Variants in LRRC4C observed in about 807,000 individuals in gnomAD.
LRRC4C encodes leucine-rich repeat-containing protein 4C.
A neutral mutation model predicts 33.6 loss-of-function variants in LRRC4C; 5 were observed. That is an observed-to-expected ratio of 0.15 (90% CI 0.08 to 0.31). LRRC4C has a LOEUF of 0.31. LRRC4C is among the 10% of genes least tolerant of loss of function. The pLI is 1.00. For missense variants in LRRC4C, 560 were observed against 796.7 expected, an observed-to-expected ratio of 0.70 and a Z score of 3.58; for synonymous variants, 329 against 302.0, an observed-to-expected ratio of 1.09 and a Z score of -0.93.
chr11:40,536,283 T>C (rs1472882041), intron 3 of LRRC4C, among the ~76,000 whole-genome samples: 1 of 152,064 alleles, frequency 6.6e-6, no homozygotes, highest in East Asian at 1.9e-4. Context: ...AACCTCCGCC[T>C]CCTGGGTTCA....
intron 2 of LRRC4C, among the ~76,000 whole-genome samples, chr11:40,825,943 G>T (rs527334954): frequency 1.2e-4 from 7 of 59,842 alleles, no homozygotes; most frequent in South Asian, 8.0e-4. Flanking sequence ...TGTATTCTGG[G>T]GGGGGGGCGT....
intron 4 of LRRC4C, among the ~76,000 whole-genome samples, chr11:40,302,889 T>A (rs2136677958): frequency 6.6e-6 from 1 of 152,320 alleles, no homozygotes. Context: ...TCAGTCTGAA[T>A]CTGACATTCA....
intron 3 of LRRC4C, among the ~76,000 whole-genome samples, chr11:40,452,925 G>A (rs561336019): frequency 3.0e-4 from 46 of 151,648 alleles, no homozygotes; most frequent in African/African-American, 8.7e-4. Context: ...GCAAACTATC[G>A]CAAGGATAAG....
chr11:41,147,667 A>G (rs1244380639), intron 1 of LRRC4C, among the ~76,000 whole-genome samples: 1 of 152,226 alleles, frequency 6.6e-6, no homozygotes, highest in Non-Finnish European at 1.5e-5. Flanking sequence ...AGATTTTTTC[A>G]CTACCTAAAC....
chr11:41,049,802 A>G (rs955625412), intron 1 of LRRC4C, among the ~76,000 whole-genome samples: 2 of 152,320 alleles, frequency 1.3e-5, no homozygotes, highest in Admixed American at 1.3e-4. Context: ...GTGATCTGGC[A>G]TGTTGGCTTA....
intron 3 of LRRC4C, among the ~76,000 whole-genome samples, chr11:40,496,793 G>C (rs907899247): frequency 1.3e-5 from 2 of 152,126 alleles, no homozygotes; most frequent in African/African-American, 2.4e-5. Flanking sequence ...ATCACCCTCC[G>C]ACCCAGCGTG....
intron 1 of LRRC4C, among the ~76,000 whole-genome samples, chr11:41,223,597 C>T (rs1947400611): frequency 6.6e-6 from 1 of 152,162 alleles, no homozygotes; most frequent in Admixed American, 6.6e-5. Context: ...TTACTCCCTA[C>T]ATGCTCACAT....
chr11:41,359,269 T>C (rs760190504), intron 1 of LRRC4C, among the ~76,000 whole-genome samples: 9 of 152,212 alleles, frequency 5.9e-5, no homozygotes, highest in Non-Finnish European at 1.2e-4. Flanking sequence ...TAATGGTGGA[T>C]ACATGTCATT....
intron 4 of LRRC4C, among the ~76,000 whole-genome samples, chr11:40,316,963 T>C (rs368700832): frequency 4.6e-5 from 7 of 151,954 alleles, no homozygotes; most frequent in African/African-American, 1.4e-4. Context: ...ATAAAGGCTG[T>C]GGGAAATGGG....
At chr11:40,811,162 T>C (rs1348751147) in intron 2 of LRRC4C, among the ~76,000 whole-genome samples, 1 of 152,166 alleles carries the variant, frequency 6.6e-6, no homozygotes, top group Non-Finnish European at 1.5e-5. Context: ...TTCTTTTTTT[T>C]CCTTTAATGT....
chr11:40,654,211 T>C, intron 2 of LRRC4C, among the ~76,000 whole-genome samples: 1 of 152,120 alleles, frequency 6.6e-6, no homozygotes. Context: ...TACTGCCTAG[T>C]GGAGCTGTGA....
intron 2 of LRRC4C, among the ~76,000 whole-genome samples, chr11:40,692,523 A>C (rs947798709): frequency 3.9e-5 from 6 of 152,118 alleles, no homozygotes; most frequent in Admixed American, 3.9e-4. Context: ...GGGACAAAGC[A>C]AAGGAAGTTA....
chr11:41,211,783 A>G (rs886442199), intron 1 of LRRC4C, among the ~76,000 whole-genome samples: 2 of 152,188 alleles, frequency 1.3e-5, no homozygotes, highest in Admixed American at 6.5e-5. Context: ...TAGAGCCGCA[A>G]TAAACATACG....
At chr11:40,774,184 T>C (rs1337101834) in intron 2 of LRRC4C, among the ~76,000 whole-genome samples, 1 of 152,124 alleles carries the variant, frequency 6.6e-6, no homozygotes, top group African/African-American at 2.4e-5. Flanking sequence ...AATATTAACA[T>C]TTATCCTGGC....
intron 1 of LRRC4C, among the ~76,000 whole-genome samples, chr11:41,414,752 T>C (rs1305007829): frequency 6.6e-6 from 1 of 151,982 alleles, no homozygotes; most frequent in Non-Finnish European, 1.5e-5. Context: ...AATAGGAAAG[T>C]AGAATTAGCC....
intron 2 of LRRC4C, among the ~76,000 whole-genome samples, chr11:40,913,959 A>G (rs929455873): frequency 7.2e-5 from 11 of 152,228 alleles, no homozygotes; most frequent in Admixed American, 7.2e-4. Context: ...AGAAATGGAT[A>G]AATTCCTCGA....
At chr11:40,187,417 T>C (rs1430813942) in intron 5 of LRRC4C, among the ~76,000 whole-genome samples, 6 of 151,884 alleles carry the variant, frequency 4.0e-5, no homozygotes, top group Non-Finnish European at 8.8e-5. Flanking sequence ...TGTGTAAATG[T>C]TTGGATTGAC....
intron 1 of LRRC4C, among the ~76,000 whole-genome samples, chr11:41,308,286 A>G (rs1950556822): frequency 6.6e-6 from 1 of 151,514 alleles, no homozygotes; most frequent in East Asian, 1.9e-4. Context: ...CTGGGGGCTT[A>G]TGAATACCTG....
At chr11:41,458,796 A>T (rs1446348333) in intron 1 of LRRC4C, among the ~76,000 whole-genome samples, 1 of 152,158 alleles carries the variant, frequency 6.6e-6, no homozygotes, top group Non-Finnish European at 1.5e-5. Flanking sequence ...GGTTAATGAG[A>T]TGCAATAGCG....
Sources: gnomAD v4.1 joint callset for allele counts (sites outside exome capture counted in the v4.1 genomes callset) on GRCh38, gnomAD v4.1.1 for gene constraint, MANE v1.5 for transcripts, NCBI Gene and HGNC (gene_info 2026-07-23, HGNC 2026-07-21) for gene names.